Variants in OR13C5 observed in about 807,000 individuals in gnomAD.
OR13C5 encodes the protein olfactory receptor family 13 subfamily C member 5.
OR13C5 carries 9 observed loss-of-function variants against 12.4 expected under a neutral mutation model. The ratio of observed to expected loss-of-function variants is 0.72; its 90% confidence interval spans 0.44 to 1.26. The LOEUF is 1.26. Ranked by LOEUF, OR13C5 falls within the 50% of genes most tolerant of loss-of-function variation. The pLI is 0.00. For synonymous variants in OR13C5, 124 were observed against 139.4 expected (o/e 0.89, Z 0.78); for missense variants, 361 against 374.4 (o/e 0.96, Z 0.29).
In OR13C5 at chr9:104,599,281, G is replaced by A. The variant is rs376833387; in HGVS notation, c.133C>T (p.Leu45Phe). The change falls in exon 1 of 1, where the codon CTC becomes TTC. Residue 45 changes from leucine to phenylalanine, a missense_variant. Leu to Phe is a conservative substitution (Grantham distance 22). Around this residue, in one of 2 missense-constraint regions of OR13C5, gnomAD observed 67 missense variants for 106.4 expected, o/e 0.63. Transcript: ENST00000374779. ...YVVILLGNGT[L>F]ILISILDPHL... ...GGGTCCAAGATGCTGATTAAAATGA[G>A]AGTACCATTCCCCAGAAGGATGACC... The A allele has an allele frequency of 1.9e-6, 3 of 1,608,524 alleles. No homozygotes were observed. The highest frequency in any genetic ancestry group is 1.7e-5 in the Admixed American group (1 of 59,752).
Sources: allele counts gnomAD v4.1 joint callset, GRCh38; gene constraint gnomAD v4.1.1; regional missense constraint gnomAD v4.1.1; transcripts MANE v1.5; gene names NCBI Gene and HGNC (gene_info 2026-07-23, HGNC 2026-07-21).